PPP3CA: variants seen among roughly 807,000 people sequenced by gnomAD.
PPP3CA encodes CAM-PRP catalytic subunit.
Under a neutral mutation model 66.5 loss-of-function variants are expected in PPP3CA, and 14 were observed. That is an observed-to-expected ratio of 0.21 (90% confidence interval 0.14 to 0.33). PPP3CA has a LOEUF of 0.33. Among genes scored for constraint, PPP3CA ranks in the 10% least tolerant of loss-of-function variants. PPP3CA has a pLI of 1.00. For synonymous variants in PPP3CA, 232 were observed against 226.2 expected (o/e 1.03, Z -0.23); for missense variants, 317 against 639.5 (o/e 0.50, Z 5.44).
In PPP3CA at chr4:101,093,762, T is replaced by C. The variant is rs41275733; in HGVS notation, c.782+14A>G. The C allele has an allele frequency of 3.2e-6, 5 of 1,582,616 alleles. No individual in the cohort carries two copies. In the African/African-American group the frequency reaches 5.4e-5, roughly 17 times the overall value. On this transcript the variant is annotated intron_variant, in intron 6 of 13. Transcript: ENST00000394854. ...ATGCAAACGTGTTCCAGAGAGCAAG[T>C]TCTCTATTCTTACCTGTAGAAGTAT...
At chr4:101,048,411 AC>A (rs1727860030) in intron 10 of PPP3CA, among the ~76,000 whole-genome samples, 1 of 147,864 alleles carries the variant, frequency 6.8e-6, no homozygotes, top group Non-Finnish European at 1.5e-5. Context: ...TATTGGAAGA[AC>A]TCCTTAACTA....
intron 1 of PPP3CA, among the ~76,000 whole-genome samples, chr4:101,325,403 A>G (rs1411246219): frequency 6.6e-6 from 1 of 152,260 alleles, no homozygotes; most frequent in African/African-American, 2.4e-5. Context: ...TTAACAAATC[A>G]TAATTACTAA....
chr4:101,192,874 C>T (rs1724653699), intron 2 of PPP3CA, among the ~76,000 whole-genome samples: 1 of 152,132 alleles, frequency 6.6e-6, no homozygotes, highest in Admixed American at 6.5e-5. Context: ...TTTTATCATC[C>T]ATAGCCATAA....
At chr4:101,068,416 C>T (rs936335618) in intron 8 of PPP3CA, among the ~76,000 whole-genome samples, 1 of 152,148 alleles carries the variant, frequency 6.6e-6, no homozygotes, top group Non-Finnish European at 1.5e-5. Flanking sequence ...AGGACCCATG[C>T]AACTCATAAT....
At chr4:101,098,265 A>C in intron 5 of PPP3CA, 102 bp downstream of exon 5, 1 of 1,260,518 alleles carries the variant, frequency 7.9e-7, no homozygotes, top group South Asian at 1.8e-5. Context: ...AATTATTTGA[A>C]CTCAAAAGAA....
chr4:101,346,859 C>G lies in PPP3CA; in HGVS notation c.-63G>C. 2 of 1,564,736 alleles carry G rather than the reference C, an allele frequency of 1.3e-6. No individual in the cohort carries two copies. The highest frequency in any genetic ancestry group is 1.7e-6 in the Non-Finnish European group (2 of 1,154,318). On this transcript the variant is annotated 5_prime_UTR_variant, in exon 1 of 14. Coordinates refer to ENST00000394854, the MANE Select transcript of PPP3CA (RefSeq NM_000944.5). ...GTCCGACTGCACACCCCGACCGGAC[C>G]GGCGGGCCAGACACTCAACGCCGCC...
At chr4:101,056,254 T>C (rs1438413381) in intron 10 of PPP3CA, among the ~76,000 whole-genome samples, 3 of 152,178 alleles carry the variant, frequency 2.0e-5, no homozygotes, top group African/African-American at 7.2e-5. Context: ...AATACATAAA[T>C]TGCCTAGTAA....
At chr4:101,155,057 T>C (rs980126999) in intron 2 of PPP3CA, among the ~76,000 whole-genome samples, 2 of 152,130 alleles carry the variant, frequency 1.3e-5, no homozygotes, top group Admixed American at 6.6e-5. Context: ...CCTCATGATC[T>C]GCCCGCCTCG....
intron 1 of PPP3CA, among the ~76,000 whole-genome samples, chr4:101,297,016 G>C (rs575939433): frequency 6.6e-6 from 1 of 152,258 alleles, no homozygotes; most frequent in Admixed American, 6.5e-5. Flanking sequence ...GCACAATTGA[G>C]TACAATATCA....
At chr4:101,346,676 A>T in intron 1 of PPP3CA, 63 bp downstream of exon 1, 2 of 1,441,622 alleles carry the variant, frequency 1.4e-6, no homozygotes, top group Admixed American at 1.9e-5. Flanking sequence ...AGGCGAGGCG[A>T]GGCAAGCTGC....
intron 1 of PPP3CA, among the ~76,000 whole-genome samples, chr4:101,275,905 G>GT (rs1346694946): frequency 5.0e-4 from 70 of 140,382 alleles, no homozygotes; most frequent in East Asian, 2.5e-3. Context: ...TTTGTTTTTT[G>GT]TTTTTTTTTG....
intron 2 of PPP3CA, among the ~76,000 whole-genome samples, chr4:101,121,544 T>C (rs1386969260): frequency 2.6e-5 from 4 of 152,118 alleles, no homozygotes; most frequent in Non-Finnish European, 5.9e-5. Context: ...TATATAAAGT[T>C]AATATGTCAG....
At chr4:101,330,610 G>A (rs1729353746) in intron 1 of PPP3CA, among the ~76,000 whole-genome samples, 1 of 152,106 alleles carries the variant, frequency 6.6e-6, no homozygotes. Context: ...CAAAAAATTT[G>A]TGTGACTAGC....
intron 10 of PPP3CA, 104 bp from the exon 11 acceptor site, chr4:101,040,670 T>G: frequency 1.4e-6 from 1 of 719,528 alleles, no homozygotes. Context: ...AAATCAGTAT[T>G]TTTTTTTTTT....
At chr4:101,336,788 C>CT (rs1393544652) in intron 1 of PPP3CA, among the ~76,000 whole-genome samples, 2 of 152,038 alleles carry the variant, frequency 1.3e-5, no homozygotes, top group Non-Finnish European at 2.9e-5. Context: ...GAATAGGGAG[C>CT]TGCCTCTCAC....
intron 3 of PPP3CA, among the ~76,000 whole-genome samples, chr4:101,105,269 C>A (rs560993660): frequency 6.6e-6 from 1 of 150,740 alleles, no homozygotes; most frequent in East Asian, 2.0e-4. Flanking sequence ...TGGGTTCAAG[C>A]GATTCTCCTG....
At chr4:101,174,219 T>A (rs2110318051) in intron 2 of PPP3CA, among the ~76,000 whole-genome samples, 1 of 152,300 alleles carries the variant, frequency 6.6e-6, no homozygotes, top group East Asian at 1.9e-4. Context: ...CTATTAAATA[T>A]TTATGTTTTT....
chr4:101,106,972 T>C (rs1156707270), intron 3 of PPP3CA, among the ~76,000 whole-genome samples: 1 of 152,176 alleles, frequency 6.6e-6, no homozygotes, highest in East Asian at 1.9e-4. Context: ...GGGTTTTGTT[T>C]TGTTGTTGTT....
At chr4:101,344,244 A>G (rs1283384216) in intron 1 of PPP3CA, among the ~76,000 whole-genome samples, 1 of 152,212 alleles carries the variant, frequency 6.6e-6, no homozygotes, top group Non-Finnish European at 1.5e-5. Flanking sequence ...CGTACTTTCC[A>G]TTCATTCAGT....
Sources: allele counts gnomAD v4.1 joint callset (sites outside exome capture counted in the v4.1 genomes callset), GRCh38; gene constraint gnomAD v4.1.1; transcripts MANE v1.5; gene names NCBI Gene and HGNC (gene_info 2026-07-23, HGNC 2026-07-21).